Variants in STXBP5 observed in about 807,000 individuals in gnomAD.
STXBP5 encodes syntaxin binding protein 5.
In STXBP5, 50 loss-of-function variants were observed where a neutral mutation model predicts 152.4. The observed-to-expected ratio is 0.33, with a 90% CI of 0.26 to 0.42. The LOEUF is 0.42. Ranked by LOEUF, STXBP5 falls within the 10% of genes least tolerant of loss-of-function variation. The pLI, the probability that STXBP5 is intolerant of heterozygous loss-of-function variation, is 1.00. For synonymous variants in STXBP5, 492 were observed against 494.7 expected, an observed-to-expected ratio of 0.99 and a Z score of 0.07; for missense variants, 1,167 against 1,388.6, an observed-to-expected ratio of 0.84 and a Z score of 2.54.
At chr6:147,254,109 T>G (rs1779238952) in intron 4 of STXBP5, among the ~76,000 whole-genome samples, 1 of 152,074 alleles carries the variant, frequency 6.6e-6, no homozygotes, top group South Asian at 2.1e-4. Flanking sequence ...TAGACCAATG[T>G]AACAGAACAG....
chr6:147,292,110 A>G (rs1205754643), intron 9 of STXBP5: 1 of 311,470 alleles, frequency 3.2e-6, no homozygotes, highest in Non-Finnish European at 6.1e-6. Context: ...TTTGTATACC[A>G]GTTTATAACC....
chr6:147,358,020 T>A (rs1231320372), intron 22 of STXBP5, among the ~76,000 whole-genome samples: 1 of 152,108 alleles, frequency 6.6e-6, no homozygotes, highest in Non-Finnish European at 1.5e-5. Flanking sequence ...TATAATTTTT[T>A]AAATGCGCCT....
At chr6:147,377,043 A>G (rs1282138888) in intron 26 of STXBP5, among the ~76,000 whole-genome samples, 2 of 152,146 alleles carry the variant, frequency 1.3e-5, no homozygotes, top group African/African-American at 4.8e-5. Context: ...GACATAGCTA[A>G]TAGAAGAGAC....
intron 2 of STXBP5, among the ~76,000 whole-genome samples, chr6:147,212,086 T>C (rs529919944): frequency 6.6e-6 from 1 of 152,270 alleles, no homozygotes; most frequent in African/African-American, 2.4e-5. Context: ...CAGCTGTAAG[T>C]TGTGATTCTT....
chr6:147,216,889 A>G (rs1219777187), intron 2 of STXBP5, among the ~76,000 whole-genome samples: 1 of 152,230 alleles, frequency 6.6e-6, no homozygotes, highest in Non-Finnish European at 1.5e-5. Flanking sequence ...ATATATGACG[A>G]GTCCTAGAAC....
At chr6:147,273,412 A>C (rs1780279598) in intron 7 of STXBP5, among the ~76,000 whole-genome samples, 1 of 152,106 alleles carries the variant, frequency 6.6e-6, no homozygotes, top group Non-Finnish European at 1.5e-5. Flanking sequence ...TGTGGCAGGA[A>C]AGAAGTGCAG....
Position 147,384,911 on chromosome 6 carries a change from T to G in STXBP5, c.*156T>G. 2.7e-6 allele frequency: 2 copies of G among 740,618 alleles called. No homozygotes were observed. The highest frequency in any genetic ancestry group is 2.5e-5 in the East Asian group (1 of 39,422). The allele number at this position is 740,618 out of a possible 1,614,324, so 45.9% of individuals were successfully genotyped here. On this transcript the variant is annotated 3_prime_UTR_variant, in exon 28 of 28. Transcript: ENST00000321680. ...CACTGTTTTACCTCAGTCATGTGGC[T>G]TTAACTGAGGAGTGTTCACACGCAC...
At position 147,334,215 on chromosome 6, in the gene STXBP5, A is replaced by C; in HGVS notation, c.2139A>C (p.Pro713=). The C allele has an allele frequency of 6.2e-7, 1 of 1,611,596 alleles. No individual in the cohort carries two copies. The highest frequency in any genetic ancestry group is 8.5e-7 in the Non-Finnish European group (1 of 1,179,028). Residue 713 remains proline (P), a synonymous_variant, in exon 19 of 28, where the codon CCA becomes CCC. Transcript: ENST00000321680. ...TTCCAGAGGATCGCTGCAAATCTCC[A>C]ACCTCTGGTAATTTGGTTTTTTTTT... is the stretch of plus-strand genomic sequence containing the variant. The part of the protein sequence containing the change: ...TVVPEDRCKS[P]TSGSSSPHNS...
chr6:147,304,235 G>T (rs1430424742), intron 9 of STXBP5, among the ~76,000 whole-genome samples: 1 of 152,198 alleles, frequency 6.6e-6, no homozygotes, highest in Non-Finnish European at 1.5e-5. Context: ...GCTTTGTGCA[G>T]TCTCTGGACT....
At chr6:147,238,235 A>G (rs914838920) in intron 3 of STXBP5, among the ~76,000 whole-genome samples, 1 of 152,186 alleles carries the variant, frequency 6.6e-6, no homozygotes. Context: ...TGAGGGTCTC[A>G]TGCTGCCTCA....
At chr6:147,233,873 C>A (rs1052202116) in intron 2 of STXBP5, among the ~76,000 whole-genome samples, 1 of 149,928 alleles carries the variant, frequency 6.7e-6, no homozygotes, top group Non-Finnish European at 1.5e-5. Flanking sequence ...ACTACTACTA[C>A]TACTATTACT....
rs931807655 is a variant in STXBP5 at position 147,385,090 on chromosome 6, C to T, written c.*335C>T. 1 of 265,484 alleles carries T rather than the reference C, an allele frequency of 3.8e-6. No individual in the cohort carries two copies. Among genetic ancestry groups the T allele is most frequent in the African/African-American group, 2.3e-5 (1 of 44,154 alleles). 16.4% of individuals were successfully genotyped at this position (265,484 alleles called of 1,614,324 possible). A position where few individuals can be genotyped will look rare whatever the true frequency, so the allele number is the denominator to read the frequency against. On this transcript the variant is annotated 3_prime_UTR_variant, in exon 28 of 28. Transcript: ENST00000321680. ...ATTCCTGTATTAAACTTTCATATGC[C>T]AAAAGGGTTTGTGCCGTTTTATCTG...
intron 9 of STXBP5, among the ~76,000 whole-genome samples, chr6:147,309,071 G>T (rs1003109315): frequency 1.4e-4 from 21 of 152,070 alleles, no homozygotes; most frequent in African/African-American, 5.1e-4. Flanking sequence ...TTAAGCCAGA[G>T]CTAAGATTTA....
intron 2 of STXBP5, among the ~76,000 whole-genome samples, chr6:147,224,138 G>C (rs2115104413): frequency 6.6e-6 from 1 of 152,312 alleles, no homozygotes; most frequent in Admixed American, 6.5e-5. Context: ...TAAACATGCA[G>C]GGCTTGGCCA....
chr6:147,272,586 T>C (rs1157463076), intron 7 of STXBP5, among the ~76,000 whole-genome samples: 4 of 152,190 alleles, frequency 2.6e-5, no homozygotes, highest in Non-Finnish European at 5.9e-5. Context: ...TCTTCCTCAC[T>C]AGTGAGGGTT....
At chr6:147,317,728 C>G (rs1782712775) in intron 16 of STXBP5, among the ~76,000 whole-genome samples, 1 of 152,184 alleles carries the variant, frequency 6.6e-6, no homozygotes, top group South Asian at 2.1e-4. Context: ...AATATACACA[C>G]TTATAACTGT....
intron 25 of STXBP5, among the ~76,000 whole-genome samples, chr6:147,368,344 A>G (rs1785390626): frequency 6.6e-6 from 1 of 152,180 alleles, no homozygotes; most frequent in South Asian, 2.1e-4. Context: ...ATCCCAGGAA[A>G]GTAGGATTGA....
intron 4 of STXBP5, among the ~76,000 whole-genome samples, chr6:147,248,372 A>G (rs1331152382): frequency 1.3e-5 from 2 of 152,164 alleles, no homozygotes; most frequent in Non-Finnish European, 2.9e-5. Flanking sequence ...ACATTAAAGT[A>G]GAGATGCAAA....
At chr6:147,311,579 A>G (rs1255178843) in intron 11 of STXBP5, 52 bp downstream of exon 11, 26 of 1,377,174 alleles carry the variant, frequency 1.9e-5, no homozygotes, top group Non-Finnish European at 2.6e-5. Context: ...TTGAAAAAAG[A>G]TGCCTTTTAT....
Sources: gnomAD v4.1 joint callset for allele counts (sites outside exome capture counted in the v4.1 genomes callset) on GRCh38, gnomAD v4.1.1 for gene constraint, MANE v1.5 for transcripts, NCBI Gene and HGNC (gene_info 2026-07-23, HGNC 2026-07-21) for gene names.